TPO: variants seen among roughly 807,000 people sequenced by gnomAD.
TPO encodes the protein thyroid microsomal antigen.
TPO carries 78 observed loss-of-function variants against 96.9 expected under a neutral mutation model. The observed-to-expected ratio is 0.81, with a 90% CI of 0.67 to 0.97. The LOEUF is 0.97. Among genes scored for constraint, TPO ranks in the 50% least tolerant of loss-of-function variants. The probability of loss-of-function intolerance (pLI) is 0.00; values close to 1 mark genes in which losing one functional copy is unlikely to be tolerated. For missense variants in TPO, 1,252 were observed against 1,274.8 expected (o/e 0.98, Z 0.27); for synonymous variants, 547 against 538.0 (o/e 1.02, Z -0.23).
chr2:1,485,882 A>G lies in TPO; in HGVS notation c.1597+1028A>G, dbSNP rs559222238. Among the ~76,000 whole-genome samples, 4 of 152,180 alleles carry G rather than the reference A, an allele frequency of 2.6e-5. No homozygotes were observed. The South Asian group carries it at 8.3e-4, about 32-fold the overall frequency. On this transcript the variant is annotated intron_variant, in intron 9 of 16. Coordinates refer to ENST00000329066, the MANE Select transcript of TPO (RefSeq NM_001206744.2). ...CTTGTTCACTCTGATAGTGGTTTCT[A>G]TTGCTGTGCAGAAACTCTTTAATTA...
Position 1,453,739 on chromosome 2 carries a change from G to A in TPO, c.528G>A (p.Trp176Ter), listed in dbSNP as rs906917928. The change falls in exon 6 of 17, where the codon TGG becomes TGA. Residue 176 changes from tryptophan (W) to a stop codon, truncating the protein, a stop_gained. Transcript: ENST00000329066. LOFTEE classifies it high-confidence loss of function. ...WGASNTALAR[W>*]LPPVYEDGFS... Reference sequence around the variant, plus strand: ...CCTCCAACACGGCCCTGGCACGATGGCTCCCTCCAGTCTATGAGGACGGCT... The same window carrying A: ...CCTCCAACACGGCCCTGGCACGATGACTCCCTCCAGTCTATGAGGACGGCT... 1 of 1,613,786 alleles carries A rather than the reference G, an allele frequency of 6.2e-7. No homozygotes were observed. Among genetic ancestry groups the A allele is most frequent in the Non-Finnish European group, 8.5e-7 (1 of 1,180,038 alleles).
chr2:1,409,827 C>T (rs902533979), upstream of TPO, among the ~76,000 whole-genome samples: 4 of 152,118 alleles, frequency 2.6e-5, no homozygotes, highest in African/African-American at 9.6e-5. Context: ...TGCACATACA[C>T]ACACAAGCCA....
intron 1 of TPO, among the ~76,000 whole-genome samples, chr2:1,400,266 G>A (rs550801601): frequency 2.6e-5 from 4 of 152,318 alleles, no homozygotes; most frequent in Non-Finnish European, 5.9e-5. Context: ...GCCGAAGCAG[G>A]TGGATCACTT....
intron 7 of TPO, among the ~76,000 whole-genome samples, chr2:1,476,388 T>G (rs1363042353): frequency 6.6e-6 from 1 of 152,092 alleles, no homozygotes; most frequent in East Asian, 1.9e-4. Flanking sequence ...AGGAAACCTG[T>G]AAATCTGGAA....
At chr2:1,436,119 C>G in intron 4 of TPO, 133 bp from the exon 5 acceptor site, 1 of 1,413,426 alleles carries the variant, frequency 7.1e-7, no homozygotes, top group South Asian at 1.2e-5. Context: ...CAGATTTTCT[C>G]AAAAACAGTG....
At chr2:1,539,637 G>A (rs1179190478) in intron 15 of TPO, among the ~76,000 whole-genome samples, 1 of 152,176 alleles carries the variant, frequency 6.6e-6, no homozygotes, top group East Asian at 1.9e-4. Context: ...GCGCTGTGGT[G>A]CGGGGACTGC....
chr2:1,499,587 C>G (rs1558368904), intron 13 of TPO, among the ~76,000 whole-genome samples: 1 of 139,506 alleles, frequency 7.2e-6, no homozygotes, highest in Non-Finnish European at 1.6e-5. Flanking sequence ...GGGGCCACCA[C>G]AATCCCTGAG....
chr2:1,459,761 T>C (rs1668228505), intron 7 of TPO, among the ~76,000 whole-genome samples: 1 of 152,154 alleles, frequency 6.6e-6, no homozygotes, highest in South Asian at 2.1e-4. Context: ...GTGTCAATCA[T>C]AGAAACTGAA....
intron 3 of TPO, among the ~76,000 whole-genome samples, chr2:1,431,080 T>G (rs1338669769): frequency 6.6e-6 from 1 of 151,350 alleles, no homozygotes. Flanking sequence ...GTGTAGATGC[T>G]TTTCCCCCTT....
chr2:1,499,197 G>GC (rs893653673), intron 13 of TPO, among the ~76,000 whole-genome samples: 2 of 151,910 alleles, frequency 1.3e-5, no homozygotes, highest in Non-Finnish European at 2.9e-5. Flanking sequence ...GTGTGGAGCT[G>GC]CCCCCTGTGC....
At position 1,465,883 on chromosome 2, in the gene TPO, T is replaced by TTTATTTCTTTTG. The variant is rs527964480; in HGVS notation, c.819+9603_819+9614dup. 4.9e-4 allele frequency among the ~76,000 whole-genome samples: 74 copies of TTTATTTCTTTTG among 152,304 alleles called. 2 individuals are homozygous for TTTATTTCTTTTG. The East Asian group carries it at 0.013, about 26-fold the overall frequency. ...TTCCTCTTCGCCGATTTGGATGCCCTTTATTTCTTTTGTCTGATTCCTCTG... is the reference window on the plus strand; with the variant it reads ...TTCCTCTTCGCCGATTTGGATGCCCTTTATTTCTTTTGTTATTTCTTTTGTCTGATTCCTCTG... On this transcript the variant is annotated intron_variant, in intron 7 of 16. Coordinates refer to ENST00000329066, the MANE Select transcript of TPO (RefSeq NM_001206744.2).
At chr2:1,422,358 C>CGCCTCTCCTGGACAGACTTCATGCAGGT (rs1558264430) in intron 2 of TPO, among the ~76,000 whole-genome samples, 1 of 106,044 alleles carries the variant, frequency 9.4e-6, no homozygotes, top group South Asian at 3.7e-4. Flanking sequence ...CTCGTGCAGG[C>CGCCTCTCCTGGACAGACTTCATGCAGGT]GCCGCGCTGG....
At chr2:1,392,625 C>T (rs1451563568) in intron 1 of TPO, among the ~76,000 whole-genome samples, 1 of 152,146 alleles carries the variant, frequency 6.6e-6, no homozygotes, top group Non-Finnish European at 1.5e-5. Flanking sequence ...CTGTGAATCT[C>T]TCTGGTCCTG....
intron 1 of TPO, among the ~76,000 whole-genome samples, chr2:1,403,738 T>A (rs931600659): frequency 2.0e-5 from 3 of 152,208 alleles, no homozygotes; most frequent in African/African-American, 7.2e-5. Context: ...TCCATCTCCC[T>A]CCTTCCGAGC....
At chr2:1,412,529 A>T (rs140711551), upstream of TPO, among the ~76,000 whole-genome samples, 2,492 of 152,274 alleles carry the variant, frequency 0.016, 71 homozygotes, top group South Asian at 0.11. Flanking sequence ...TGAGGGGAGA[A>T]TGTTAAAGGC....
In TPO at chr2:1,477,388, C is replaced by T; in HGVS notation, c.1122C>T (p.Ala374=). The change falls in exon 8 of 17, where the codon GCC becomes GCT. Residue 374 remains alanine, a synonymous_variant. Coordinates refer to ENST00000329066, the MANE Select transcript of TPO (RefSeq NM_001206744.2). ...TCGTGCCGCCACGCGCGCCTGCGGC[C>T]TGTGCGCCCGAGCCCGGCATCCCCG... ...LPFVPPRAPA[A]CAPEPGIPGE... The T allele has an allele frequency of 6.5e-7, 1 of 1,527,890 alleles. No homozygotes were observed. Among genetic ancestry groups the T allele is most frequent in the Non-Finnish European group, 8.8e-7 (1 of 1,139,600 alleles). 94.6% of individuals were successfully genotyped at this position (1,527,890 alleles called of 1,614,324 possible).
intron 7 of TPO, among the ~76,000 whole-genome samples, chr2:1,461,487 A>C (rs1197452746): frequency 1.3e-5 from 2 of 152,154 alleles, no homozygotes; most frequent in Non-Finnish European, 2.9e-5. Context: ...CACCTGCCTC[A>C]GGGGAGGAAT....
intron 10 of TPO, among the ~76,000 whole-genome samples, chr2:1,493,422 C>T (rs192144829): frequency 3.5e-4 from 54 of 152,144 alleles, no homozygotes; most frequent in African/African-American, 1.2e-3. Flanking sequence ...CTCTGGCGTC[C>T]GAGCTGGAAC....
At chr2:1,540,872 A>G (rs755224107) in intron 16 of TPO, 149 bp downstream of exon 16, 40 of 1,551,186 alleles carry the variant, frequency 2.6e-5, no homozygotes, top group Non-Finnish European at 3.5e-5. Flanking sequence ...GGGAGGTTTT[A>G]TTTACAAGCT....
Sources: gnomAD v4.1 joint callset for allele counts (sites outside exome capture counted in the v4.1 genomes callset) on GRCh38, gnomAD v4.1.1 for gene constraint, MANE v1.5 for transcripts, NCBI Gene and HGNC (gene_info 2026-07-23, HGNC 2026-07-21) for gene names.